The following PYCR3 variants were observed in gnomAD, a reference collection of about 807,000 sequenced individuals.
PYCR3 encodes P5C reductase 3.
A neutral mutation model predicts 23.4 loss-of-function variants in PYCR3; 26 were observed. That is an observed-to-expected ratio of 1.11 (90% CI 0.81 to 1.54). PYCR3 has a LOEUF of 1.54. Among genes scored for constraint, PYCR3 ranks in the 40% most tolerant of loss-of-function variants. The pLI is 0.00. For missense variants in PYCR3, 360 were observed against 376.3 expected, an observed-to-expected ratio of 0.96 and a Z score of 0.36; for synonymous variants, 194 against 162.6, an observed-to-expected ratio of 1.19 and a Z score of -1.47.
chr8:143,607,254 T>C (rs969642497), intron 2 of PYCR3, 122 bp from the exon 3 acceptor site: 1 of 948,350 alleles, frequency 1.1e-6, no homozygotes, highest in Non-Finnish European at 1.5e-6. Flanking sequence ...CCATTGCAAG[T>C]GTCTAGACCA....
chr8:143,605,820 G>A lies in PYCR3; in HGVS notation c.705C>T (p.Cys235=), dbSNP rs369983729. 20 of 1,612,060 alleles carry A rather than the reference G, an allele frequency of 1.2e-5. No individual in the cohort carries two copies. In the African/African-American group the frequency reaches 1.5e-4, roughly 12 times the overall value. The change falls in exon 6 of 6, where the codon TGC becomes TGT. Residue 235 remains cysteine, a synonymous_variant. Transcript: ENST00000495276. ...QHPAQLRSDV[C]TPGGTTIYGL... Reference sequence around the variant, plus strand: ...CATAGATGGTGGTGCCACCCGGGGTGCACACGTCTGAGCGCAGCTGGGCTG... The same window carrying A: ...CATAGATGGTGGTGCCACCCGGGGTACACACGTCTGAGCGCAGCTGGGCTG...
intron 2 of PYCR3, 133 bp downstream of exon 2, chr8:143,607,929 C>T: frequency 2.9e-6 from 2 of 690,262 alleles, no homozygotes; most frequent in South Asian, 1.8e-5. Context: ...TTTTCCCAGC[C>T]CAGACCAGCC....
chr8:143,605,987 T>C, intron 5 of PYCR3, 75 bp downstream of exon 5: 1 of 1,559,532 alleles, frequency 6.4e-7, no homozygotes, highest in Non-Finnish European at 8.7e-7. Context: ...TTCTCGAGCC[T>C]GCTGTTTCCC....
rs1451640914 is a variant in PYCR3, at chr8:143,609,544, G to A, written c.5C>T (p.Ala2Val). ...GCGCCGCGGAGACGGCTCCGCAGCT[G>A]CCATCTTGTTGCCTCGGACGCCGCT... M[A>V]AAEPSPRRVG... Residue 2 changes from alanine (A) to valine (V), a missense_variant, in exon 1 of 6, where the codon GCA becomes GTA. Ala to Val is a moderately conservative substitution (Grantham distance 64, BLOSUM62 0). Transcript: ENST00000495276. The A allele has an allele frequency of 1.2e-5, 18 of 1,508,710 alleles. No individual in the cohort carries two copies. The highest frequency in any genetic ancestry group is 8.3e-5 in the Admixed American group (4 of 47,944). 93.5% of individuals were successfully genotyped at this position (1,508,710 alleles called of 1,614,324 possible).
rs1166941573 is a variant in PYCR3 at position 143,606,160 on chromosome 8, G to C, written c.550-6C>G. ...GCCTCGGAGAATGCACACACCTGTAGCCGCGGCATGGTGGTTGGGGGGGAT... is the reference window on the plus strand; with the variant it reads ...GCCTCGGAGAATGCACACACCTGTACCCGCGGCATGGTGGTTGGGGGGGAT... On this transcript the variant is annotated splice_region_variant and splice_polypyrimidine_tract_variant and intron_variant, in intron 4 of 5. Transcript: ENST00000495276. 5 of 1,602,618 alleles carry C rather than the reference G, an allele frequency of 3.1e-6. No homozygotes were observed. In the East Asian group the frequency reaches 1.1e-4, roughly 36 times the overall value.
At position 143,605,664 on chromosome 8, in the gene PYCR3, G is replaced by GGGCACAGA; in HGVS notation, c.*28_*35dup. The stretch of plus-strand genomic sequence containing the variant: ...GGGGAAGGGACACAGGGAGAGGCAG[G>GGGCACAGA]GGCACAGAGGCAGGAAAGGATGGCC... On this transcript the variant is annotated 3_prime_UTR_variant, in exon 6 of 6. Transcript: ENST00000495276. 6.4e-7 allele frequency: 1 copy of GGGCACAGA among 1,561,086 alleles called. No individual in the cohort carries two copies. The highest frequency in any genetic ancestry group is 8.7e-7 in the Non-Finnish European group (1 of 1,146,076).
intron 4 of PYCR3, 60 bp from the exon 5 acceptor site, chr8:143,606,214 T>A: frequency 6.7e-7 from 1 of 1,492,840 alleles, no homozygotes; most frequent in Non-Finnish European, 9.1e-7. Context: ...GCTCAGGACC[T>A]TCAGGAACAA....
Position 143,605,297 on chromosome 8 carries a change from A to T in PYCR3, c.*403T>A. ...TGCACGGAGCCACCTGGAAAGCCAA[A>T]GGCAAGCTCCAGCTCCAGACCAGGC... On this transcript the variant is annotated 3_prime_UTR_variant, in exon 6 of 6. Coordinates refer to ENST00000495276, the MANE Select transcript of PYCR3 (RefSeq NM_023078.6). The T allele has an allele frequency of 3.4e-6, 1 of 292,716 alleles. No individual in the cohort carries two copies. Among genetic ancestry groups the T allele is most frequent in the Non-Finnish European group, 6.6e-6 (1 of 151,286 alleles). 18.1% of individuals were successfully genotyped at this position (292,716 alleles called of 1,614,324 possible). A position where few individuals can be genotyped will look rare whatever the true frequency, so the allele number is the denominator to read the frequency against.
intron 4 of PYCR3, 58 bp downstream of exon 4, chr8:143,606,409 T>C (rs2131398637): frequency 1.3e-6 from 2 of 1,566,354 alleles, no homozygotes; most frequent in East Asian, 2.2e-5. Flanking sequence ...TCAGAGGGAC[T>C]GGGGTGGGCC....
chr8:143,609,556 C>G lies in PYCR3; in HGVS notation c.-8G>C. On this transcript the variant is annotated 5_prime_UTR_variant, in exon 1 of 6. Transcript: ENST00000495276. ...CGGCTCCGCAGCTGCCATCTTGTTG[C>G]CTCGGACGCCGCTGCGCTCACCGCC... The G allele has an allele frequency of 6.7e-7, 1 of 1,500,444 alleles. No individual in the cohort carries two copies. The highest frequency in any genetic ancestry group is 8.8e-7 in the Non-Finnish European group (1 of 1,132,454). 92.9% of individuals were successfully genotyped at this position (1,500,444 alleles called of 1,614,324 possible).
intron 5 of PYCR3, 27 bp downstream of exon 5, chr8:143,606,035 T>C (rs1373159000): frequency 1.9e-6 from 3 of 1,595,738 alleles, no homozygotes; most frequent in Non-Finnish European, 2.6e-6. Context: ...GCCTTCCCGA[T>C]GTTCCCCAGG....
In PYCR3 at chr8:143,606,150, C is replaced by A; in HGVS notation, c.554G>T (p.Cys185Phe). The change falls in exon 5 of 6, where the codon TGT (cysteine) becomes TTT (phenylalanine). Residue 185 changes from cysteine (C) to phenylalanine (F), a missense_variant. Coordinates refer to ENST00000495276, the MANE Select transcript of PYCR3 (RefSeq NM_023078.6). ...TTCAGCCAGGGCCTCGGAGAATGCA[C>A]ACACCTGTAGCCGCGGCATGGTGGT... ...GLSGSGVAFV[C>F]AFSEALAEGA... is the part of the protein sequence containing the mutation. 1 of 1,608,332 alleles carries A rather than the reference C, an allele frequency of 6.2e-7. No individual in the cohort carries two copies. Among genetic ancestry groups the A allele is most frequent in the Non-Finnish European group, 8.5e-7 (1 of 1,178,094 alleles).
chr8:143,608,580 C>T (rs1230975171), intron 1 of PYCR3: 3 of 326,438 alleles, frequency 9.2e-6, no homozygotes, highest in Non-Finnish European at 1.8e-5. Context: ...AGGCTAAATG[C>T]CTACTTGGTA....
At chr8:143,607,559 C>T (rs545151110) in intron 2 of PYCR3, among the ~76,000 whole-genome samples, 5 of 152,272 alleles carry the variant, frequency 3.3e-5, no homozygotes, top group South Asian at 2.1e-4. Flanking sequence ...TGTACACGCA[C>T]GCACTCATAC....
chr8:143,607,249 G>T (rs1829428336), intron 2 of PYCR3, 117 bp from the exon 3 acceptor site: 1 of 1,038,654 alleles, frequency 9.6e-7, no homozygotes, highest in South Asian at 1.7e-5. Flanking sequence ...CTCTCCCATT[G>T]CAAGTGTCTA....
rs187992805 is a variant in PYCR3, at chr8:143,604,824, G to T, written c.*876C>A. On this transcript the variant is annotated 3_prime_UTR_variant, in exon 6 of 6. Coordinates refer to ENST00000495276, the MANE Select transcript of PYCR3 (RefSeq NM_023078.6). ...CCAAGTCTTGCCATCAGAGGCCAGT[G>T]TGGTGGTGCCAGAGCTACGGGGTAT... 109 of 454,738 alleles carry T rather than the reference G, an allele frequency of 2.4e-4. No homozygotes were observed. In the East Asian group the frequency reaches 6.5e-3, roughly 27 times the overall value. 28.2% of individuals were successfully genotyped at this position (454,738 alleles called of 1,614,324 possible).
rs781314053 is a variant in PYCR3, at chr8:143,605,334, C to A, written c.*366G>T. On this transcript the variant is annotated 3_prime_UTR_variant, in exon 6 of 6. Transcript: ENST00000495276. ...GCTCCAGACCAGGCATTGGGCCAGCCGTGCCTGTTACCGTAAGTTCTGTTC... is the reference window on the plus strand; with the variant it reads ...GCTCCAGACCAGGCATTGGGCCAGCAGTGCCTGTTACCGTAAGTTCTGTTC... 3 of 336,890 alleles carry A rather than the reference C, an allele frequency of 8.9e-6. No homozygotes were observed. The highest frequency in any genetic ancestry group is 1.7e-5 in the Non-Finnish European group (3 of 179,156). The allele number at this position is 336,890 out of a possible 1,614,324, so 20.9% of individuals were successfully genotyped here. A position where few individuals can be genotyped will look rare whatever the true frequency, so the allele number is the denominator to read the frequency against.
rs935774494 is a variant in PYCR3 at position 143,609,407 on chromosome 8, C to A, written c.91+51G>T. 15 of 1,435,334 alleles carry A rather than the reference C, an allele frequency of 1.0e-5. No individual in the cohort carries two copies. The African/African-American group carries it at 1.9e-4, about 19-fold the overall frequency. 88.9% of individuals were successfully genotyped at this position (1,435,334 alleles called of 1,614,324 possible). ...CCCACTCTCGCGGCAGGACACCTCC[C>A]ACGGGGCTGCTCCCACTCCAGACCG... is the stretch of plus-strand genomic sequence containing the variant. On this transcript the variant is annotated intron_variant, in intron 1 of 5. Transcript: ENST00000495276.
Position 143,604,548 on chromosome 8 carries a change from C to G in PYCR3, c.*1152G>C, listed in dbSNP as rs1829337474. 3.4e-6 allele frequency: 1 copy of G among 291,340 alleles called. No individual in the cohort carries two copies. The highest frequency in any genetic ancestry group is 3.0e-5 in the South Asian group (1 of 33,850). The allele number at this position is 291,340 out of a possible 1,614,324, so 18.0% of individuals were successfully genotyped here. On this transcript the variant is annotated 3_prime_UTR_variant, in exon 6 of 6. Coordinates refer to ENST00000495276, the MANE Select transcript of PYCR3 (RefSeq NM_023078.6). ...GGCACAGCAGGACCCGCCGCCCAGC[C>G]TCGCTGAGGGCATGCTCCCGCCTCA...
Sources: gnomAD v4.1 joint callset for allele counts (sites outside exome capture counted in the v4.1 genomes callset) on GRCh38, gnomAD v4.1.1 for gene constraint, MANE v1.5 for transcripts, NCBI Gene and HGNC (gene_info 2026-07-23, HGNC 2026-07-21) for gene names.